Variants in KCTD16 observed in about 807,000 individuals in gnomAD.
KCTD16 encodes BTB/POZ domain-containing protein KCTD16.
A neutral mutation model predicts 33.2 loss-of-function variants in KCTD16; 13 were observed. That is an observed-to-expected ratio of 0.39 (90% CI 0.25 to 0.62). The LOEUF is 0.62. Ranked by LOEUF, KCTD16 falls within the 20% of genes least tolerant of loss-of-function variation. The pLI is 0.50. For synonymous variants in KCTD16, 197 were observed against 195.3 expected (o/e 1.01, Z -0.07); for missense variants, 441 against 525.1 (o/e 0.84, Z 1.57).
chr5:144,410,749 A>G (rs1752914984), intron 3 of KCTD16, among the ~76,000 whole-genome samples: 1 of 152,190 alleles, frequency 6.6e-6, no homozygotes, highest in African/African-American at 2.4e-5. Flanking sequence ...CATTTCAGAT[A>G]TATATATTTT....
At chr5:144,323,989 T>G (rs1444576577) in intron 3 of KCTD16, among the ~76,000 whole-genome samples, 1 of 152,200 alleles carries the variant, frequency 6.6e-6, no homozygotes, top group Non-Finnish European at 1.5e-5. Flanking sequence ...ATTTGGAGAT[T>G]TAAGATACTT....
chr5:144,259,897 A>C (rs1184853357), intron 3 of KCTD16, among the ~76,000 whole-genome samples: 2 of 152,210 alleles, frequency 1.3e-5, no homozygotes, highest in Admixed American at 1.3e-4. Flanking sequence ...TGCCTTGCCC[A>C]CAGGAATTTA....
chr5:144,303,062 G>T (rs1194190192), intron 3 of KCTD16, among the ~76,000 whole-genome samples: 1 of 152,142 alleles, frequency 6.6e-6, no homozygotes, highest in African/African-American at 2.4e-5. Flanking sequence ...TGAGTGTTTG[G>T]TTGTATAATT....
intron 3 of KCTD16, among the ~76,000 whole-genome samples, chr5:144,216,997 A>G (rs1416093520): frequency 6.6e-6 from 1 of 152,196 alleles, no homozygotes; most frequent in Admixed American, 6.5e-5. Context: ...GGGACTCTGG[A>G]GCAGCACAGA....
intron 3 of KCTD16, among the ~76,000 whole-genome samples, chr5:144,249,515 T>C (rs1480253216): frequency 2.6e-5 from 4 of 152,176 alleles, no homozygotes; most frequent in Non-Finnish European, 4.4e-5. Context: ...AGTAACTATT[T>C]ATTTAATAAG....
intron 3 of KCTD16, among the ~76,000 whole-genome samples, chr5:144,211,227 C>T (rs1351505576): frequency 6.6e-6 from 1 of 152,092 alleles, no homozygotes; most frequent in Non-Finnish European, 1.5e-5. Flanking sequence ...ATGCTTTGGC[C>T]ACTGTGAATA....
chr5:144,309,083 A>T (rs142588351), intron 3 of KCTD16, among the ~76,000 whole-genome samples: 180 of 152,318 alleles, frequency 1.2e-3, no homozygotes, highest in African/African-American at 4.2e-3. Flanking sequence ...ATCTGCTGTG[A>T]TGAACTATCA....
chr5:144,299,112 A>ATTTTTG (rs1756150059), intron 3 of KCTD16, among the ~76,000 whole-genome samples: 1 of 14,000 alleles, frequency 7.1e-5, no homozygotes, highest in African/African-American at 4.1e-4. Flanking sequence ...ATATATATAT[A>ATTTTTG]TATATATATA....
At chr5:144,265,964 T>C (rs1561547624) in intron 3 of KCTD16, among the ~76,000 whole-genome samples, 2 of 152,178 alleles carry the variant, frequency 1.3e-5, no homozygotes, top group Admixed American at 1.3e-4. Context: ...TGTATGAAAA[T>C]GGAAAACTCA....
chr5:144,427,406 T>C (rs1174914523), intron 3 of KCTD16, among the ~76,000 whole-genome samples: 1 of 152,100 alleles, frequency 6.6e-6, no homozygotes, highest in Non-Finnish European at 1.5e-5. Flanking sequence ...CTCAGGGTCA[T>C]ATACTCTTTA....
intron 3 of KCTD16, among the ~76,000 whole-genome samples, chr5:144,261,895 A>T (rs946825097): frequency 2.6e-5 from 4 of 152,076 alleles, no homozygotes; most frequent in Admixed American, 1.3e-4. Context: ...CTTTTTTTTT[A>T]AAGAATCATT....
At chr5:144,324,985 C>A (rs894124787) in intron 3 of KCTD16, among the ~76,000 whole-genome samples, 4 of 152,136 alleles carry the variant, frequency 2.6e-5, no homozygotes, top group Non-Finnish European at 5.9e-5. Context: ...GGCTTAATAC[C>A]TAAGTGATGG....
At chr5:144,225,470 G>T (rs1251649149) in intron 3 of KCTD16, among the ~76,000 whole-genome samples, 1 of 151,792 alleles carries the variant, frequency 6.6e-6, no homozygotes, top group Non-Finnish European at 1.5e-5. Flanking sequence ...GTACAAAAAA[G>T]ATGTCAAAAG....
Position 144,220,798 on chromosome 5 carries a change from G to A in KCTD16, c.832+13252G>A, listed in dbSNP as rs529151935. Among the ~76,000 whole-genome samples, 8 of 152,136 alleles carry A rather than the reference G, an allele frequency of 5.3e-5. No individual in the cohort carries two copies. The East Asian group carries it at 5.8e-4, about 11-fold the overall frequency. On this transcript the variant is annotated intron_variant, in intron 3 of 3. Coordinates refer to ENST00000512467, the MANE Select transcript of KCTD16 (RefSeq NM_020768.4). ...CTACTAAAAATATAAAAAATTAGCC[G>A]GGCGTGGTGGCGGGCACCTGTAGTC...
intron 3 of KCTD16, among the ~76,000 whole-genome samples, chr5:144,405,377 A>G (rs1466724966): frequency 6.6e-6 from 1 of 152,196 alleles, no homozygotes; most frequent in East Asian, 1.9e-4. Flanking sequence ...TGTGAGCTTT[A>G]AAGACTTTTC....
chr5:144,343,704 CTT>C (rs1396010412), intron 3 of KCTD16, among the ~76,000 whole-genome samples: 8 of 152,294 alleles, frequency 5.3e-5, no homozygotes, highest in Admixed American at 3.3e-4. Context: ...CCTGCTCTCT[CTT>C]GTTGGCATTT....
intron 3 of KCTD16, among the ~76,000 whole-genome samples, chr5:144,308,469 T>G (rs986641038): frequency 5.9e-5 from 9 of 152,190 alleles, no homozygotes; most frequent in Non-Finnish European, 1.5e-5. Context: ...GATTTTTTTG[T>G]GACTGGGCTG....
At position 144,474,862 on chromosome 5, in the gene KCTD16, T is replaced by C. The variant is rs2127003494; in HGVS notation, c.*748T>C. 6.6e-6 allele frequency: 1 copy of C among 152,324 alleles called. No individual in the cohort carries two copies. Among genetic ancestry groups the C allele is most frequent in the South Asian group, 2.1e-4 (1 of 4,822 alleles). The allele number at this position is 152,324 out of a possible 1,614,324, so 9.4% of individuals were successfully genotyped here. On this transcript the variant is annotated 3_prime_UTR_variant, in exon 4 of 4. Transcript: ENST00000512467. Reference sequence around the variant, plus strand: ...TCAAATGACTCTCATCATCAACAAATTGTATTCCTTATTGTGAAATTAATA... The same window carrying C: ...TCAAATGACTCTCATCATCAACAAACTGTATTCCTTATTGTGAAATTAATA...
chr5:144,216,321 T>A (rs1025903660), intron 3 of KCTD16, among the ~76,000 whole-genome samples: 1 of 152,186 alleles, frequency 6.6e-6, no homozygotes, highest in Non-Finnish European at 1.5e-5. Context: ...GCTAATGGGA[T>A]GGGAGTCTGT....
Sources: gnomAD v4.1 joint callset for allele counts (sites outside exome capture counted in the v4.1 genomes callset) on GRCh38, gnomAD v4.1.1 for gene constraint, MANE v1.5 for transcripts, NCBI Gene and HGNC (gene_info 2026-07-23, HGNC 2026-07-21) for gene names.